PRELID2: variants seen among roughly 807,000 people sequenced by gnomAD.
The protein encoded by PRELID2 is PRELI domain-containing protein 2.
Under a neutral mutation model 28.4 loss-of-function variants are expected in PRELID2, and 25 were observed. The ratio of observed to expected loss-of-function variants is 0.88; its 90% CI spans 0.64 to 1.23. PRELID2 has a LOEUF of 1.23. Among genes scored for constraint, PRELID2 ranks in the 50% most tolerant of loss-of-function variants. The probability of loss-of-function intolerance (pLI) is 0.00; values close to 1 mark genes in which losing one functional copy is unlikely to be tolerated. For missense variants in PRELID2, 201 were observed against 214.4 expected, an observed-to-expected ratio of 0.94 and a Z score of 0.39; for synonymous variants, 76 against 71.6, an observed-to-expected ratio of 1.06 and a Z score of -0.31.
chr5:145,549,921 G>T (rs929067259), intron 1 of PRELID2, among the ~76,000 whole-genome samples: 2 of 152,038 alleles, frequency 1.3e-5, no homozygotes, highest in Non-Finnish European at 2.9e-5. Flanking sequence ...CATTTTAAAA[G>T]ATGAAATTGT....
chr5:145,504,531 T>C (rs1752389945), intron 1 of PRELID2, among the ~76,000 whole-genome samples: 2 of 152,306 alleles, frequency 1.3e-5, no homozygotes, highest in Middle Eastern at 3.4e-3. Flanking sequence ...AGTGGACAGA[T>C]GACCACAGGC....
chr5:145,796,466 T>C lies in PRELID2; in HGVS notation c.450A>G (p.Thr150=), dbSNP rs1752755851. The change falls in exon 5 of 7, where the codon ACA becomes ACG. Residue 150 remains threonine (T), a synonymous_variant. Transcript: ENST00000683046. ...CCTTCTGGGCTCCCTGTCGTAAGAA[T>C]GTGCTGGCAAAAGTTTCTAAAACAC... The part of the protein sequence containing the change: ...LNCVLETFAS[T]FLRQGAQKGI... 2.5e-6 allele frequency: 4 copies of C among 1,610,380 alleles called. No individual in the cohort carries two copies. The African/African-American group carries it at 4.0e-5, about 16-fold the overall frequency.
downstream of PRELID2, among the ~76,000 whole-genome samples, chr5:145,468,334 G>T (rs980204642): frequency 1.3e-5 from 2 of 152,096 alleles, no homozygotes; most frequent in Admixed American, 1.3e-4. Context: ...CATTTGGCTT[G>T]GTTCCAAGTC....
chr5:145,553,951 T>G (rs958766294), intron 1 of PRELID2, among the ~76,000 whole-genome samples: 4 of 152,106 alleles, frequency 2.6e-5, no homozygotes, highest in Non-Finnish European at 5.9e-5. Context: ...GGATCGAGCA[T>G]GGTGGCAAAG....
the PRELID2 span, among the ~76,000 whole-genome samples, chr5:145,272,112 C>T: frequency 1.3e-5 from 2 of 151,756 alleles, no homozygotes; most frequent in African/African-American, 4.8e-5. Context: ...GAGCAGCAAA[C>T]AATCTACCTT....
the PRELID2 span, among the ~76,000 whole-genome samples, chr5:145,262,605 G>A: frequency 6.6e-6 from 1 of 151,774 alleles, no homozygotes; most frequent in Non-Finnish European, 1.5e-5. Context: ...ATAAATGAAG[G>A]AAAGAGACAG....
chr5:145,229,217 G>T, the PRELID2 span: 3 of 807,058 alleles, frequency 3.7e-6, no homozygotes, highest in Admixed American at 3.5e-5. Flanking sequence ...GCTACTCGCT[G>T]GCCCCCCAGA....
At chr5:145,660,376 C>G (rs1228044845) in intron 1 of PRELID2, among the ~76,000 whole-genome samples, 1 of 152,210 alleles carries the variant, frequency 6.6e-6, no homozygotes, top group African/African-American at 2.4e-5. Flanking sequence ...CAGGACCACA[C>G]TACTGTGTCT....
At chr5:145,348,507 A>G in the PRELID2 span, among the ~76,000 whole-genome samples, 500 of 152,230 alleles carry the variant, frequency 3.3e-3, 7 homozygotes, top group African/African-American at 0.011. Flanking sequence ...CAACAGAAAC[A>G]TTCTATACCT....
intron 1 of PRELID2, among the ~76,000 whole-genome samples, chr5:145,687,672 T>C (rs1755062896): frequency 6.6e-6 from 1 of 152,244 alleles, no homozygotes; most frequent in African/African-American, 2.4e-5. Context: ...TATTTGCTTA[T>C]GCATCACTAG....
the PRELID2 span, among the ~76,000 whole-genome samples, chr5:145,414,174 C>T: frequency 3.2e-4 from 49 of 152,156 alleles, no homozygotes; most frequent in Non-Finnish European, 5.0e-4. Context: ...GTCAAGCAAC[C>T]GGTAGAGAAC....
At chr5:145,831,249 T>C (rs2149891395) in intron 1 of PRELID2, among the ~76,000 whole-genome samples, 1 of 152,318 alleles carries the variant, frequency 6.6e-6, no homozygotes, top group East Asian at 1.9e-4. Context: ...GCTTACACAG[T>C]TGTGATGCTG....
chr5:145,817,074 C>T (rs1028598356), intron 4 of PRELID2, among the ~76,000 whole-genome samples: 5 of 150,644 alleles, frequency 3.3e-5, no homozygotes, highest in Non-Finnish European at 7.4e-5. Context: ...GCCTGTAGTC[C>T]CTGCTTCTCA....
the PRELID2 span, among the ~76,000 whole-genome samples, chr5:145,235,279 C>A: frequency 6.6e-6 from 1 of 152,020 alleles, no homozygotes; most frequent in South Asian, 2.1e-4. Flanking sequence ...GTGACAGAGC[C>A]CCTCAATCCT....
intron 1 of PRELID2, among the ~76,000 whole-genome samples, chr5:145,720,133 T>A (rs1238323074): frequency 1.3e-5 from 2 of 151,846 alleles, no homozygotes; most frequent in African/African-American, 4.8e-5. Context: ...TCCAATTACA[T>A]GTAATTGAAC....
chr5:145,505,125 C>A (rs187794157), intron 1 of PRELID2, among the ~76,000 whole-genome samples: 34 of 151,106 alleles, frequency 2.3e-4, no homozygotes, highest in Admixed American at 1.2e-3. Flanking sequence ...CACACTAGCT[C>A]TATACATACT....
the PRELID2 span, among the ~76,000 whole-genome samples, chr5:145,459,136 T>C: frequency 2.0e-5 from 3 of 152,112 alleles, no homozygotes; most frequent in African/African-American, 7.2e-5. Context: ...ACAAGAAAAA[T>C]AGGAACAAGG....
At chr5:145,812,236 A>G (rs1269334766) in intron 4 of PRELID2, among the ~76,000 whole-genome samples, 1 of 152,090 alleles carries the variant, frequency 6.6e-6, no homozygotes, top group Non-Finnish European at 1.5e-5. Context: ...ATCCTAGATG[A>G]TGTTGACAGT....
At chr5:145,442,354 A>C in the PRELID2 span, among the ~76,000 whole-genome samples, 1 of 152,036 alleles carries the variant, frequency 6.6e-6, no homozygotes, top group East Asian at 1.9e-4. Context: ...GAATTCAATA[A>C]AGCATCCAGC....
Sources: allele counts gnomAD v4.1 joint callset (sites outside exome capture counted in the v4.1 genomes callset), GRCh38; gene constraint gnomAD v4.1.1; transcripts MANE v1.5; gene names NCBI Gene and HGNC (gene_info 2026-07-23, HGNC 2026-07-21).